The following PRELID3A variants were observed in gnomAD, a reference collection of about 807,000 sequenced individuals.
The protein encoded by PRELID3A is PRELI domain containing 3A.
Under a neutral mutation model 23.0 loss-of-function variants are expected in PRELID3A, and 27 were observed. That is an observed-to-expected ratio of 1.17 (90% CI 0.87 to 1.62). The LOEUF (loss-of-function observed/expected upper bound fraction) is 1.62. PRELID3A is among the 40% of genes most tolerant of loss of function. The pLI is 0.00. For missense variants in PRELID3A, 231 were observed against 231.4 expected (o/e 1.00, Z 0.01); for synonymous variants, 87 against 86.4 (o/e 1.01, Z -0.04).
At chr18:12,429,171 C>T (rs2030477065) in intron 5 of PRELID3A, among the ~76,000 whole-genome samples, 179 bp from the exon 6 acceptor site, 1 of 152,182 alleles carries the variant, frequency 6.6e-6, no homozygotes, top group Non-Finnish European at 1.5e-5. Context: ...TGTTTTCCTT[C>T]CCCCTTCTGA....
chr18:12,422,664 G>A (rs1195842352), intron 3 of PRELID3A, among the ~76,000 whole-genome samples: 1 of 151,966 alleles, frequency 6.6e-6, no homozygotes, highest in Admixed American at 6.6e-5. Context: ...GCCCCAACAG[G>A]TATTTTTAAA....
intron 1 of PRELID3A, among the ~76,000 whole-genome samples, chr18:12,411,756 C>T (rs998602531): frequency 2.0e-5 from 3 of 152,196 alleles, no homozygotes; most frequent in African/African-American, 7.2e-5. Context: ...TTGAAGCCTG[C>T]TCTTCCCCTC....
chr18:12,413,414 GCCA>G (rs1277313396), intron 1 of PRELID3A, among the ~76,000 whole-genome samples: 2 of 152,092 alleles, frequency 1.3e-5, no homozygotes, highest in East Asian at 1.9e-4. Context: ...TCTTAAAACA[GCCA>G]CCACAACAAC....
chr18:12,416,969 AG>A (rs1225766289), intron 1 of PRELID3A, among the ~76,000 whole-genome samples: 1 of 151,880 alleles, frequency 6.6e-6, no homozygotes, highest in African/African-American at 2.4e-5. Flanking sequence ...TCTTTAACCA[AG>A]TGTGTGCTAT....
intron 6 of PRELID3A, 147 bp from the exon 7 acceptor site, chr18:12,431,003 A>C (rs1598868321): frequency 6.7e-6 from 1 of 150,024 alleles, no homozygotes; most frequent in East Asian, 2.0e-4. Flanking sequence ...TGTATGTGTG[A>C]TGTGTATGTG....
At chr18:12,417,943 AT>A (rs2030017215) in intron 1 of PRELID3A, among the ~76,000 whole-genome samples, 1 of 152,208 alleles carries the variant, frequency 6.6e-6, no homozygotes, top group South Asian at 2.1e-4. Flanking sequence ...TTAAGAGAGG[AT>A]TCCAGGCCAG....
intron 3 of PRELID3A, among the ~76,000 whole-genome samples, chr18:12,424,351 G>A (rs888771904): frequency 2.0e-5 from 3 of 152,200 alleles, no homozygotes; most frequent in African/African-American, 4.8e-5. Flanking sequence ...TGGATGGCCC[G>A]ATGACTTGGG....
chr18:12,419,167 C>CA (rs35420599), intron 1 of PRELID3A, among the ~76,000 whole-genome samples: 34 of 148,968 alleles, frequency 2.3e-4, no homozygotes, highest in East Asian at 1.2e-3. Context: ...ACTAAAGATA[C>CA]AAAAAAAAAT....
At position 12,407,929 on chromosome 18, in the gene PRELID3A, G is replaced by T. The variant is rs972033443; in HGVS notation, c.-47G>T. 4 of 1,277,554 alleles carry T rather than the reference G, an allele frequency of 3.1e-6. No individual in the cohort carries two copies. The highest frequency in any genetic ancestry group is 1.6e-5 in the African/African-American group (1 of 64,132). The allele number at this position is 1,277,554 out of a possible 1,614,324, so 79.1% of individuals were successfully genotyped here. A position where few individuals can be genotyped will look rare whatever the true frequency, so the allele number is the denominator to read the frequency against. ...CGCCGCGCCCGGAGCCGCGCGGCCC[G>T]AAGCACCCGGCCCGGATCGCAGAGC... On this transcript the variant is annotated 5_prime_UTR_variant, in exon 1 of 7. Transcript: ENST00000440960.
intron 2 of PRELID3A, 34 bp from the exon 3 acceptor site, chr18:12,421,505 AC>A: frequency 2.3e-6 from 3 of 1,301,884 alleles, no homozygotes; most frequent in Non-Finnish European, 3.3e-6. Context: ...AGAATTTTTA[AC>A]GTTCCACTAT....
chr18:12,424,315 A>G (rs1375142078), intron 3 of PRELID3A, among the ~76,000 whole-genome samples: 1 of 152,372 alleles, frequency 6.6e-6, no homozygotes, highest in South Asian at 2.1e-4. Flanking sequence ...CAAGACAGAC[A>G]TGTGCTTGCA....
At chr18:12,421,665 G>T in intron 3 of PRELID3A, 36 bp downstream of exon 3, 1 of 1,415,910 alleles carries the variant, frequency 7.1e-7, no homozygotes, top group Non-Finnish European at 1.0e-6. Context: ...CGGGCTCAGT[G>T]TGTCTGGGTG....
At chr18:12,429,222 G>C in intron 5 of PRELID3A, 128 bp from the exon 6 acceptor site, 1 of 737,654 alleles carries the variant, frequency 1.4e-6, no homozygotes, top group African/African-American at 1.7e-5. Flanking sequence ...CACTCGGAAA[G>C]GTCACTGCTG....
At chr18:12,430,214 G>A (rs959998136) in intron 6 of PRELID3A, among the ~76,000 whole-genome samples, 1 of 152,206 alleles carries the variant, frequency 6.6e-6, no homozygotes, top group African/African-American at 2.4e-5. Flanking sequence ...CTTCATGGCC[G>A]CACCCTGAGT....
At chr18:12,417,186 A>G (rs953861527) in intron 1 of PRELID3A, among the ~76,000 whole-genome samples, 1 of 151,612 alleles carries the variant, frequency 6.6e-6, no homozygotes, top group Non-Finnish European at 1.5e-5. Context: ...TTTTATTTTT[A>G]TTTTTGAGAT....
intron 1 of PRELID3A, among the ~76,000 whole-genome samples, chr18:12,410,130 A>G (rs1909860942): frequency 6.6e-6 from 1 of 152,240 alleles, no homozygotes; most frequent in South Asian, 2.1e-4. Context: ...TTCACTTAGC[A>G]TGATTTTCTT....
chr18:12,418,291 C>T (rs767608938), intron 1 of PRELID3A, among the ~76,000 whole-genome samples: 2 of 152,156 alleles, frequency 1.3e-5, no homozygotes, highest in African/African-American at 2.4e-5. Flanking sequence ...CATAACATAA[C>T]CCACCATAGA....
intron 1 of PRELID3A, among the ~76,000 whole-genome samples, chr18:12,416,664 TA>T (rs35700644): frequency 1.0e-3 from 103 of 98,740 alleles, no homozygotes; most frequent in Non-Finnish European, 1.5e-3. Context: ...TTTTTTTTTT[TA>T]GACAGAGTCT....
chr18:12,430,435 CTGTGTGTGCTGTATGTTG>C (rs1354532233), intron 6 of PRELID3A, among the ~76,000 whole-genome samples: 44 of 51,276 alleles, frequency 8.6e-4, no homozygotes, highest in African/African-American at 1.7e-3. Flanking sequence ...TGTTTGTGTG[CTGTGTGTGCTGTATGTTG>C]TGTGTGTGCT....
Sources: allele counts gnomAD v4.1 joint callset (sites outside exome capture counted in the v4.1 genomes callset), GRCh38; gene constraint gnomAD v4.1.1; transcripts MANE v1.5; gene names NCBI Gene and HGNC (gene_info 2026-07-23, HGNC 2026-07-21).